Variants in CREB5 observed in about 807,000 individuals in gnomAD.
CREB5 encodes the protein cyclic AMP-responsive element-binding protein 5.
A neutral mutation model predicts 57.1 loss-of-function variants in CREB5; 19 were observed. The observed-to-expected ratio is 0.33, with a 90% confidence interval of 0.23 to 0.49. The LOEUF (loss-of-function observed/expected upper bound fraction) is 0.49, where lower values mean the gene tolerates loss of function less well. Ranked by LOEUF, CREB5 falls within the 20% of genes least tolerant of loss-of-function variation. CREB5 has a pLI of 0.99. For missense variants in CREB5, 579 were observed against 671.6 expected (o/e 0.86, Z 1.52); for synonymous variants, 238 against 238.3 (o/e 1.00, Z 0.01).
intron 8 of CREB5, among the ~76,000 whole-genome samples, chr7:28,808,808 G>A (rs572530573): frequency 4.1e-5 from 5 of 120,852 alleles, no homozygotes; most frequent in East Asian, 2.8e-4. Flanking sequence ...TGATCCTCCC[G>A]CCACACCTGG....
At chr7:28,777,639 T>C (rs1041365056) in intron 7 of CREB5, among the ~76,000 whole-genome samples, 1 of 152,200 alleles carries the variant, frequency 6.6e-6, no homozygotes, top group Non-Finnish European at 1.5e-5. Context: ...GCCTTCCAGA[T>C]GTTTGCCTGT....
At chr7:28,376,597 G>A (rs950778784) in intron 1 of CREB5, among the ~76,000 whole-genome samples, 2 of 152,164 alleles carry the variant, frequency 1.3e-5, no homozygotes, top group African/African-American at 4.8e-5. Context: ...TTCTCAACAT[G>A]TTAATGAATT....
intron 7 of CREB5, among the ~76,000 whole-genome samples, chr7:28,738,192 G>A (rs1042283276): frequency 1.2e-4 from 18 of 152,092 alleles, no homozygotes; most frequent in South Asian, 6.2e-4. Context: ...TTTGGAATAC[G>A]TCTAGCCCTG....
intron 5 of CREB5, among the ~76,000 whole-genome samples, chr7:28,668,605 C>A (rs1402376138): frequency 6.6e-6 from 1 of 152,072 alleles, no homozygotes; most frequent in African/African-American, 2.4e-5. Flanking sequence ...GAAGTATGTA[C>A]AAAAACCAAA....
chr7:28,405,777 C>A (rs1379210118), intron 1 of CREB5, among the ~76,000 whole-genome samples: 1 of 152,124 alleles, frequency 6.6e-6, no homozygotes, highest in Non-Finnish European at 1.5e-5. Context: ...GACCTCTTTT[C>A]TTCTCCGTCA....
chr7:28,657,531 C>T (rs1253627648), intron 5 of CREB5, among the ~76,000 whole-genome samples: 2 of 151,902 alleles, frequency 1.3e-5, no homozygotes, highest in African/African-American at 4.8e-5. Flanking sequence ...GAGTTCGAGA[C>T]CAGCCTGGCC....
chr7:28,529,118 A>G (rs887124040), intron 4 of CREB5, among the ~76,000 whole-genome samples: 1 of 152,198 alleles, frequency 6.6e-6, no homozygotes, highest in Non-Finnish European at 1.5e-5. Flanking sequence ...TAAAGCTATG[A>G]CCTGGAGCAC....
chr7:28,562,637 C>G (rs1795323474), intron 4 of CREB5, among the ~76,000 whole-genome samples: 1 of 152,188 alleles, frequency 6.6e-6, no homozygotes, highest in Non-Finnish European at 1.5e-5. Context: ...GTGATGTCTT[C>G]CCTCAAGTCA....
intron 1 of CREB5, among the ~76,000 whole-genome samples, chr7:28,321,382 C>T (rs951084592): frequency 1.3e-5 from 2 of 152,236 alleles, no homozygotes; most frequent in Non-Finnish European, 2.9e-5. Flanking sequence ...AACTTCAGGG[C>T]CTCTTGTCCA....
chr7:28,621,002 C>G (rs1179115302), intron 5 of CREB5, among the ~76,000 whole-genome samples: 2 of 152,182 alleles, frequency 1.3e-5, no homozygotes, highest in Non-Finnish European at 2.9e-5. Flanking sequence ...TGTTAAATCT[C>G]TACTTCCAAA....
chr7:28,370,051 T>C (rs1786676378), intron 1 of CREB5, among the ~76,000 whole-genome samples: 1 of 152,152 alleles, frequency 6.6e-6, no homozygotes, highest in Admixed American at 6.5e-5. Context: ...AACCCATAGC[T>C]AGAAGTGAGA....
At chr7:28,717,260 T>A (rs1477186349) in intron 5 of CREB5, among the ~76,000 whole-genome samples, 1 of 152,006 alleles carries the variant, frequency 6.6e-6, no homozygotes, top group Admixed American at 6.6e-5. Context: ...CGTTTCACCG[T>A]GTTGGCCAGG....
intron 5 of CREB5, among the ~76,000 whole-genome samples, chr7:28,607,162 A>G (rs905532032): frequency 6.6e-6 from 1 of 152,138 alleles, no homozygotes; most frequent in Non-Finnish European, 1.5e-5. Flanking sequence ...CTTCTATGAG[A>G]TCAACTAAAA....
intron 5 of CREB5, among the ~76,000 whole-genome samples, chr7:28,660,753 C>A (rs574638730): frequency 1.3e-5 from 2 of 152,046 alleles, no homozygotes; most frequent in African/African-American, 4.8e-5. Flanking sequence ...CTTATTCTTA[C>A]ATTAATATTC....
At chr7:28,549,690 T>C (rs1239996967) in intron 4 of CREB5, among the ~76,000 whole-genome samples, 1 of 152,226 alleles carries the variant, frequency 6.6e-6, no homozygotes, top group East Asian at 1.9e-4. Flanking sequence ...TTTATTTCAC[T>C]GGATGCCTGT....
intron 5 of CREB5, among the ~76,000 whole-genome samples, chr7:28,643,756 G>GGT (rs1554279445): frequency 1.2e-5 from 1 of 82,164 alleles, no homozygotes; most frequent in Non-Finnish European, 2.3e-5. Flanking sequence ...GGAGGTGGGG[G>GGT]GGGGCGGAAG....
At chr7:28,305,185 G>A (rs947409467) in intron 1 of CREB5, among the ~76,000 whole-genome samples, 1 of 152,094 alleles carries the variant, frequency 6.6e-6, no homozygotes, top group Non-Finnish European at 1.5e-5. Context: ...AGTCTCCCCT[G>A]TTCTTCTGGG....
At chr7:28,786,597 G>A (rs1030436471) in intron 7 of CREB5, among the ~76,000 whole-genome samples, 1 of 152,140 alleles carries the variant, frequency 6.6e-6, no homozygotes, top group East Asian at 1.9e-4. Flanking sequence ...CCCCTCTCTT[G>A]AAATTCTTTA....
chr7:28,605,304 C>G (rs544769006), intron 5 of CREB5, among the ~76,000 whole-genome samples: 2 of 152,282 alleles, frequency 1.3e-5, no homozygotes, highest in African/African-American at 4.8e-5. Context: ...TTGATAGATT[C>G]AAAAACAGCT....
Sources: allele counts gnomAD v4.1 joint callset (sites outside exome capture counted in the v4.1 genomes callset), GRCh38; gene constraint gnomAD v4.1.1; transcripts MANE v1.5; gene names NCBI Gene and HGNC (gene_info 2026-07-23, HGNC 2026-07-21).